Variants in CTNNA3 observed in about 807,000 individuals in gnomAD.
CTNNA3 encodes catenin alpha 3.
CTNNA3 carries 76 observed loss-of-function variants against 95.7 expected under a neutral mutation model. The observed-to-expected ratio is 0.79, with a 90% CI of 0.66 to 0.96. The LOEUF is 0.96. Among genes scored for constraint, CTNNA3 ranks in the 40% least tolerant of loss-of-function variants. The pLI, the probability that CTNNA3 is intolerant of heterozygous loss-of-function variation, is 0.00. For synonymous variants in CTNNA3, 431 were observed against 374.4 expected, an observed-to-expected ratio of 1.15 and a Z score of -1.74; for missense variants, 1,191 against 1,089.8, an observed-to-expected ratio of 1.09 and a Z score of -1.31.
At chr10:66,083,725 C>T (rs1169918553) in intron 14 of CTNNA3, among the ~76,000 whole-genome samples, 1 of 152,082 alleles carries the variant, frequency 6.6e-6, no homozygotes, top group East Asian at 1.9e-4. Context: ...CACCCAGGTA[C>T]ACAAACAGGA....
intron 9 of CTNNA3, among the ~76,000 whole-genome samples, chr10:66,662,676 C>T (rs968407402): frequency 6.6e-6 from 1 of 152,056 alleles, no homozygotes; most frequent in Admixed American, 6.6e-5. Flanking sequence ...AGGGGTATTT[C>T]TACTACAATT....
In CTNNA3 at chr10:66,795,101, G is replaced by A. The variant is rs1841136519; in HGVS notation, c.1048-19577C>T. ...ACTTCTTCCAAATGCCTAATATAAT[G>A]TTGATATTTTGACCTCCTCTCATGA... On this transcript the variant is annotated intron_variant, in intron 7 of 17. Transcript: ENST00000433211. Among the ~76,000 whole-genome samples the A allele has an allele frequency of 3.3e-5, 5 of 152,184 alleles. No homozygotes were observed. The South Asian group carries it at 1.0e-3, about 32-fold the overall frequency.
intron 13 of CTNNA3, among the ~76,000 whole-genome samples, chr10:66,153,834 C>A (rs943388273): frequency 4.9e-5 from 7 of 141,422 alleles, no homozygotes; most frequent in Non-Finnish European, 1.1e-4. Flanking sequence ...GCCTCTGATA[C>A]TTAATAATTT....
intron 7 of CTNNA3, among the ~76,000 whole-genome samples, chr10:66,944,005 G>C (rs956759790): frequency 6.6e-6 from 1 of 152,116 alleles, no homozygotes; most frequent in South Asian, 2.1e-4. Context: ...TCAGGGTGGT[G>C]GTTGCTAAAA....
At chr10:66,007,743 TTCCTTTCC>T in intron 15 of CTNNA3, among the ~76,000 whole-genome samples, 1 of 95,246 alleles carries the variant, frequency 1.0e-5, no homozygotes, top group South Asian at 3.9e-4. Flanking sequence ...CCTCCCTACC[TTCCTTTCC>T]CCCTCCCTCC....
chr10:66,940,490 T>C (rs1847941966), intron 7 of CTNNA3, among the ~76,000 whole-genome samples: 1 of 152,168 alleles, frequency 6.6e-6, no homozygotes, highest in Non-Finnish European at 1.5e-5. Flanking sequence ...AATATATGTA[T>C]ATTTTGCATA....
chr10:66,737,654 A>C (rs560178256), intron 9 of CTNNA3, among the ~76,000 whole-genome samples: 28 of 151,410 alleles, frequency 1.8e-4, no homozygotes, highest in Admixed American at 6.0e-4. Context: ...AATCTAACTT[A>C]AAAGTTGTAC....
At chr10:66,717,492 C>T (rs1003697886) in intron 9 of CTNNA3, among the ~76,000 whole-genome samples, 8 of 152,014 alleles carry the variant, frequency 5.3e-5, no homozygotes, top group African/African-American at 9.7e-5. Context: ...GTTATCACAG[C>T]GCTTTTTGAG....
At chr10:66,425,598 C>A (rs1234649306) in intron 11 of CTNNA3, among the ~76,000 whole-genome samples, 2 of 151,956 alleles carry the variant, frequency 1.3e-5, no homozygotes, top group Non-Finnish European at 2.9e-5. Context: ...TTCCTTCTCC[C>A]AAGTTCTTTT....
intron 7 of CTNNA3, among the ~76,000 whole-genome samples, chr10:66,836,750 A>C (rs1328440640): frequency 6.6e-6 from 1 of 152,174 alleles, no homozygotes; most frequent in Non-Finnish European, 1.5e-5. Context: ...AGTTCCAATA[A>C]GAAAAGATGA....
rs142747926 is a variant in CTNNA3, at chr10:66,044,418, C to A, written c.2159+24890G>T. 4.5e-3 allele frequency among the ~76,000 whole-genome samples: 669 copies of A among 149,654 alleles called. 4 individuals carry two copies. The highest frequency in any genetic ancestry group is 0.015 in the African/African-American group (628 of 41,020). On this transcript the variant is annotated intron_variant, in intron 15 of 17. Transcript: ENST00000433211. ...ACAACACCCTTTAATGTTTGTTTAT[C>A]TTGATTTTTTTTTTTTTAGAAATTT...
chr10:67,046,438 C>T (rs2133166828), intron 7 of CTNNA3, among the ~76,000 whole-genome samples: 1 of 152,262 alleles, frequency 6.6e-6, no homozygotes, highest in South Asian at 2.1e-4. Flanking sequence ...ACTTCTAATC[C>T]AGGCTGACCT....
intron 7 of CTNNA3, among the ~76,000 whole-genome samples, chr10:66,998,371 A>G (rs1011749901): frequency 6.6e-6 from 1 of 152,226 alleles, no homozygotes; most frequent in Non-Finnish European, 1.5e-5. Flanking sequence ...AGCATAGTTA[A>G]TGTAAAAGCA....
intron 12 of CTNNA3, among the ~76,000 whole-genome samples, chr10:66,332,757 G>A (rs2092346551): frequency 6.6e-6 from 1 of 152,120 alleles, no homozygotes; most frequent in South Asian, 2.1e-4. Flanking sequence ...GAGTTAGGGA[G>A]GATTCCCTCT....
chr10:67,458,689 G>A (rs1415724938), intron 5 of CTNNA3, among the ~76,000 whole-genome samples: 2 of 151,962 alleles, frequency 1.3e-5, no homozygotes, highest in Non-Finnish European at 2.9e-5. Flanking sequence ...TACCTACCTG[G>A]CCAACATGAC....
At chr10:66,648,248 G>A (rs530381156) in intron 9 of CTNNA3, among the ~76,000 whole-genome samples, 1 of 152,240 alleles carries the variant, frequency 6.6e-6, no homozygotes, top group Admixed American at 6.5e-5. Context: ...CCACTGGTTT[G>A]GGGTAAGGGA....
intron 7 of CTNNA3, among the ~76,000 whole-genome samples, chr10:66,941,020 T>TA (rs936563026): frequency 1.3e-4 from 20 of 151,870 alleles, no homozygotes; most frequent in Admixed American, 7.2e-4. Flanking sequence ...TGTAATTTAA[T>TA]AAAAAAAAGA....
At position 66,182,348 on chromosome 10, in the gene CTNNA3, C is replaced by T. The variant is rs546286223; in HGVS notation, c.1885-79099G>A. Among the ~76,000 whole-genome samples, 3 of 151,774 alleles carry T rather than the reference C, an allele frequency of 2.0e-5. 1 individual carries two copies. The highest frequency in any genetic ancestry group is 7.3e-5 in the African/African-American group (3 of 41,368). On this transcript the variant is annotated intron_variant, in intron 13 of 17. Transcript: ENST00000433211. ...TTGGCTCACTGCGAGCTCCGCCTCC[C>T]GGGTTCACGCCATTCTCCTGCCTCA...
chr10:66,533,255 G>T (rs530654535), intron 10 of CTNNA3, among the ~76,000 whole-genome samples: 1 of 152,160 alleles, frequency 6.6e-6, no homozygotes, highest in South Asian at 2.1e-4. Flanking sequence ...TTTCTGTAGG[G>T]ATTTACCTCT....
Sources: gnomAD v4.1 joint callset for allele counts (sites outside exome capture counted in the v4.1 genomes callset) on GRCh38, gnomAD v4.1.1 for gene constraint, MANE v1.5 for transcripts, NCBI Gene and HGNC (gene_info 2026-07-23, HGNC 2026-07-21) for gene names.